Variants in NT5M observed in about 807,000 individuals in gnomAD.
The protein encoded by NT5M is 5',3'-nucleotidase, mitochondrial.
In NT5M, 22 loss-of-function variants were observed where a neutral mutation model predicts 22.2. That is an observed-to-expected ratio of 0.99 (90% CI 0.71 to 1.41). The LOEUF (loss-of-function observed/expected upper bound fraction) is 1.41. NT5M is among the 40% of genes most tolerant of loss of function. The pLI, the probability that NT5M is intolerant of heterozygous loss-of-function variation, is 0.00. For missense variants in NT5M, 322 were observed against 314.8 expected (o/e 1.02, Z -0.17); for synonymous variants, 167 against 133.0 (o/e 1.26, Z -1.76).
chr17:17,344,880 T>G lies in NT5M; in HGVS notation c.516T>G (p.Leu172=), dbSNP rs777971632. ...TRDKTVVSAD[L]LIDDRPDITG... The stretch of plus-strand genomic sequence containing the variant: ...ACAAGACCGTGGTCTCTGCTGACCT[T>G]CTCATAGACGACCGGCCGGACATCA... The change falls in exon 4 of 5, where the codon CTT becomes CTG. Residue 172 remains leucine (L), a synonymous_variant. Coordinates refer to ENST00000389022, the MANE Select transcript of NT5M (RefSeq NM_020201.4). 4.3e-6 allele frequency: 7 copies of G among 1,614,182 alleles called. No individual in the cohort carries two copies. Among genetic ancestry groups the G allele is most frequent in the Non-Finnish European group, 5.9e-6 (7 of 1,180,010 alleles).
At chr17:17,308,455 G>C (rs958017174) in intron 2 of NT5M, among the ~76,000 whole-genome samples, 1 of 152,018 alleles carries the variant, frequency 6.6e-6, no homozygotes, top group Admixed American at 6.6e-5. Flanking sequence ...AGCTGGGCGT[G>C]GGGGCGGGTG....
In NT5M at chr17:17,306,784, C is replaced by T. The variant is rs867090996; in HGVS notation, c.368+141C>T. On this transcript the variant is annotated intron_variant, in intron 2 of 4. Transcript: ENST00000389022. ...CAAGGCTGCACTTGCCTCGTCATTGCTGAGCCTGGGGAAAACCACCAAATA... is the reference window on the plus strand; with the variant it reads ...CAAGGCTGCACTTGCCTCGTCATTGTTGAGCCTGGGGAAAACCACCAAATA... The T allele has an allele frequency of 3.3e-5, 21 of 646,064 alleles. 1 individual carries two copies. The South Asian group carries it at 3.6e-4, about 11-fold the overall frequency. The allele number at this position is 646,064 out of a possible 1,614,324, so 40.0% of individuals were successfully genotyped here. A position where few individuals can be genotyped will look rare whatever the true frequency, so the allele number is the denominator to read the frequency against.
chr17:17,318,716 C>T (rs1688640296), intron 2 of NT5M, among the ~76,000 whole-genome samples: 1 of 123,948 alleles, frequency 8.1e-6, no homozygotes, highest in South Asian at 2.8e-4. Context: ...ACCTGGGGAG[C>T]GGAGGTTGCA....
intron 2 of NT5M, among the ~76,000 whole-genome samples, chr17:17,320,872 C>T (rs995788820): frequency 6.6e-6 from 1 of 151,994 alleles, no homozygotes; most frequent in Non-Finnish European, 1.5e-5. Context: ...GGCTGAGTAC[C>T]TGTGGGTGAG....
At chr17:17,314,042 T>C (rs938238462) in intron 2 of NT5M, among the ~76,000 whole-genome samples, 12 of 150,180 alleles carry the variant, frequency 8.0e-5, no homozygotes, top group East Asian at 3.9e-4. Context: ...AATATATTCT[T>C]TTTTTTTTTG....
At position 17,323,167 on chromosome 17, in the gene NT5M, C is replaced by G. The variant is rs751416782; in HGVS notation, c.369-18C>G. Reference sequence around the variant, plus strand: ...AGTCATGGGGCTGCAGGCTCAACCTCCTTTCTCTTGTTGACAGCACTGACG... The same window carrying G: ...AGTCATGGGGCTGCAGGCTCAACCTGCTTTCTCTTGTTGACAGCACTGACG... On this transcript the variant is annotated intron_variant, in intron 2 of 4. Coordinates refer to ENST00000389022, the MANE Select transcript of NT5M (RefSeq NM_020201.4). 45 of 1,612,710 alleles carry G rather than the reference C, an allele frequency of 2.8e-5. No homozygotes were observed. Among genetic ancestry groups the G allele is most frequent in the Non-Finnish European group, 3.5e-5 (41 of 1,178,826 alleles).
At position 17,315,321 on chromosome 17, in the gene NT5M, T is replaced by C. The variant is rs1597755043; in HGVS notation, c.369-7864T>C. On this transcript the variant is annotated intron_variant, in intron 2 of 4. Transcript: ENST00000389022. The stretch of plus-strand genomic sequence containing the variant: ...GTACTGTGCTAGCACTGGGGATATA[T>C]ATGTAAATAACACACCTAAGGTCTC... Among the ~76,000 whole-genome samples, 4 of 152,282 alleles carry C rather than the reference T, an allele frequency of 2.6e-5. No individual in the cohort carries two copies. In the South Asian group the frequency reaches 8.3e-4, roughly 32 times the overall value.
intron 3 of NT5M, among the ~76,000 whole-genome samples, chr17:17,338,234 C>T (rs1475348439): frequency 1.3e-5 from 2 of 151,680 alleles, no homozygotes; most frequent in African/African-American, 4.8e-5. Context: ...ACTCTGTCGC[C>T]CAGGCGGGAG....
chr17:17,325,475 T>G (rs191851995), intron 3 of NT5M, among the ~76,000 whole-genome samples: 1 of 152,214 alleles, frequency 6.6e-6, no homozygotes, highest in East Asian at 1.9e-4. Flanking sequence ...CCATGTCCCA[T>G]GGGACCGATT....
chr17:17,310,824 G>C (rs1189271364), intron 2 of NT5M, among the ~76,000 whole-genome samples: 2 of 152,140 alleles, frequency 1.3e-5, no homozygotes, highest in East Asian at 3.9e-4. Context: ...TCACACCACT[G>C]CACTCCAGCC....
intron 2 of NT5M, among the ~76,000 whole-genome samples, chr17:17,309,929 A>G (rs1191763340): frequency 2.0e-5 from 3 of 149,058 alleles, no homozygotes; most frequent in Non-Finnish European, 3.0e-5. Context: ...GGTTCATGCC[A>G]TTCTCCTGCC....
intron 4 of NT5M, among the ~76,000 whole-genome samples, chr17:17,345,981 C>T (rs538589961): frequency 2.0e-5 from 3 of 152,250 alleles, no homozygotes; most frequent in Non-Finnish European, 4.4e-5. Context: ...TTGACATCCT[C>T]CTCCTGGTAG....
Position 17,347,063 on chromosome 17 carries a change from C to A in NT5M, c.*116C>A. ...CCTCCTAGACTCCTGGGCCCCATGA[C>A]CTCCTGCTGCATGTCCCTTCCCTTC... On this transcript the variant is annotated 3_prime_UTR_variant, in exon 5 of 5. Transcript: ENST00000389022. 7.8e-7 allele frequency: 1 copy of A among 1,283,250 alleles called. No homozygotes were observed. Among genetic ancestry groups the A allele is most frequent in the Non-Finnish European group, 1.1e-6 (1 of 943,646 alleles). The allele number at this position is 1,283,250 out of a possible 1,614,324, so 79.5% of individuals were successfully genotyped here.
At chr17:17,335,520 A>G (rs1173711819) in intron 3 of NT5M, among the ~76,000 whole-genome samples, 1 of 152,212 alleles carries the variant, frequency 6.6e-6, no homozygotes, top group Non-Finnish European at 1.5e-5. Context: ...GTTTTGATAC[A>G]GGCATGCAAT....
chr17:17,306,354 C>T (rs552076590), intron 1 of NT5M, among the ~76,000 whole-genome samples, 189 bp from the exon 2 acceptor site: 1 of 152,270 alleles, frequency 6.6e-6, no homozygotes, highest in East Asian at 1.9e-4. Context: ...AAGTCAGGTC[C>T]TTTCTGGAAA....
chr17:17,344,992 C>G (rs894883989), intron 4 of NT5M, 84 bp downstream of exon 4: 1 of 1,569,504 alleles, frequency 6.4e-7, no homozygotes, highest in Non-Finnish European at 8.7e-7. Context: ...CACTCAGTTG[C>G]TTCCTGCCCC....
intron 2 of NT5M, among the ~76,000 whole-genome samples, chr17:17,315,752 G>GTTTTTTTTT (rs1418422176): frequency 7.4e-5 from 7 of 93,994 alleles, no homozygotes; most frequent in Non-Finnish European, 9.1e-5. Flanking sequence ...GGGTTTTTTT[G>GTTTTTTTTT]TTTTTTTTTT....
intron 3 of NT5M, among the ~76,000 whole-genome samples, chr17:17,339,490 G>A (rs1481443703): frequency 1.3e-5 from 2 of 152,000 alleles, no homozygotes; most frequent in Admixed American, 6.6e-5. Context: ...TTGCTCTAGC[G>A]AGGACTTCCA....
intron 3 of NT5M, among the ~76,000 whole-genome samples, chr17:17,324,432 C>G (rs2145378944): frequency 6.6e-6 from 1 of 150,836 alleles, no homozygotes. Flanking sequence ...TGCAGTGAGC[C>G]AAGATCGTGC....
Sources: gnomAD v4.1 joint callset for allele counts (sites outside exome capture counted in the v4.1 genomes callset) on GRCh38, gnomAD v4.1.1 for gene constraint, MANE v1.5 for transcripts, NCBI Gene and HGNC (gene_info 2026-07-23, HGNC 2026-07-21) for gene names.